Variants in BCL7C observed in about 807,000 individuals in gnomAD.
The protein encoded by BCL7C is BAF chromatin remodeling complex subunit BCL7C, also known as B-cell CLL/lymphoma 7 protein family member C.
In BCL7C, 8 loss-of-function variants were observed where a neutral mutation model predicts 26.2. That is an observed-to-expected ratio of 0.30 (90% confidence interval 0.18 to 0.55). The LOEUF (loss-of-function observed/expected upper bound fraction) is 0.55. Among genes scored for constraint, BCL7C ranks in the 20% least tolerant of loss-of-function variants. BCL7C has a pLI of 0.93. For synonymous variants in BCL7C, 90 were observed against 116.5 expected (o/e 0.77, Z 1.47); for missense variants, 262 against 298.5 (o/e 0.88, Z 0.90).
chr16:30,866,403 G>C (rs993801251), intron 5 of BCL7C, among the ~76,000 whole-genome samples: 5 of 151,588 alleles, frequency 3.3e-5, no homozygotes, highest in Admixed American at 2.0e-4. Context: ...ATGGTGAAAC[G>C]CTGTCTCTAC....
chr16:30,865,542 C>T (rs759466991), intron 5 of BCL7C, among the ~76,000 whole-genome samples: 10 of 151,982 alleles, frequency 6.6e-5, no homozygotes, highest in Non-Finnish European at 1.5e-4. Context: ...TATGCCACTG[C>T]AGTCCAGCCC....
At chr16:30,861,465 T>C (rs2054771668) in intron 5 of BCL7C, among the ~76,000 whole-genome samples, 1 of 152,180 alleles carries the variant, frequency 6.6e-6, no homozygotes, top group South Asian at 2.1e-4. Flanking sequence ...GGCCAAGGAA[T>C]GCCCACAGCC....
rs1354023604 is a variant in BCL7C, at chr16:30,834,824, C to T, written c.*124G>A. ...GTTCGGGCAGGTGTGGGGCCGCTCG[C>T]CCTCCGATGTTACCGCGGTGGGTGA... On this transcript the variant is annotated 3_prime_UTR_variant, in exon 6 of 6. Transcript: ENST00000380317. The surrounding 1 kb of genome is among the most constrained non-coding windows in gnomAD (Gnocchi z 4.3). 9.9e-7 allele frequency: 1 copy of T among 1,013,768 alleles called. No homozygotes were observed. Among genetic ancestry groups the T allele is most frequent in the Admixed American group, 3.1e-5 (1 of 32,656 alleles). The allele number at this position is 1,013,768 out of a possible 1,614,324, so 62.8% of individuals were successfully genotyped here. A position where few individuals can be genotyped will look rare whatever the true frequency, so the allele number is the denominator to read the frequency against.
Position 30,834,729 on chromosome 16 carries a change from G to A in BCL7C, c.*219C>T, listed in dbSNP as rs1315341785. 3.4e-5 allele frequency: 16 copies of A among 470,286 alleles called. No homozygotes were observed. The highest frequency in any genetic ancestry group is 5.2e-5 in the Non-Finnish European group (14 of 267,058). The allele number at this position is 470,286 out of a possible 1,614,324, so 29.1% of individuals were successfully genotyped here. ...CGGCCTCAGGCACTGGATGTGGTCC[G>A]AGTTCTGCCCTAAGCCCTTCCCATG... On this transcript the variant is annotated 3_prime_UTR_variant, in exon 6 of 6. Coordinates refer to the BCL7C transcript ENST00000380317. This position sits in a 1 kb window ranked among gnomAD's most constrained non-coding sequence, Gnocchi z 4.3.
intron 5 of BCL7C, among the ~76,000 whole-genome samples, chr16:30,880,543 CAAAAAAA>C (rs34003724): frequency 8.1e-6 from 1 of 123,234 alleles, no homozygotes; most frequent in Non-Finnish European, 1.6e-5. Context: ...ACTAAAAATA[CAAAAAAA>C]AAAAAAAAAA....
At chr16:30,855,051 A>C (rs1430493118) in intron 5 of BCL7C, among the ~76,000 whole-genome samples, 1 of 151,770 alleles carries the variant, frequency 6.6e-6, no homozygotes, top group Non-Finnish European at 1.5e-5. Flanking sequence ...CCTTTAAACC[A>C]CTCAGAGCTA....
intron 4 of BCL7C, among the ~76,000 whole-genome samples, chr16:30,890,093 T>G (rs1310465407): frequency 1.3e-5 from 2 of 151,970 alleles, no homozygotes; most frequent in Non-Finnish European, 2.9e-5. Flanking sequence ...CGGGTTTGAC[T>G]GCATGGAAGA....
intron 5 of BCL7C, among the ~76,000 whole-genome samples, chr16:30,859,292 T>C (rs2054749929): frequency 6.6e-6 from 1 of 152,184 alleles, no homozygotes. Flanking sequence ...ATCAAGTGTT[T>C]AGAGACTGTT....
chr16:30,871,918 T>A (rs2054885630), intron 5 of BCL7C, among the ~76,000 whole-genome samples: 2 of 152,220 alleles, frequency 1.3e-5, no homozygotes, highest in Middle Eastern at 3.4e-3. Flanking sequence ...CAAGTTTGGG[T>A]CAAGTTGAAT....
rs111797805 is a variant in BCL7C at position 30,858,716 on chromosome 16, A to G, written c.529-23568T>C. 3.9e-3 allele frequency among the ~76,000 whole-genome samples: 587 copies of G among 152,324 alleles called. 9 individuals carry two copies. Among genetic ancestry groups the G allele is most frequent in the African/African-American group, 0.013 (561 of 41,568 alleles). ...GAAATTCAAGAGAAGGAGCCCTGCA[A>G]TTACATGTGAAACTGAAGGGCTGAT... On this transcript the variant is annotated intron_variant, in intron 5 of 5. Coordinates refer to the BCL7C transcript ENST00000380317.
At chr16:30,866,181 G>A (rs2054825841) in intron 5 of BCL7C, among the ~76,000 whole-genome samples, 1 of 152,140 alleles carries the variant, frequency 6.6e-6, no homozygotes, top group Admixed American at 6.6e-5. Context: ...TGATGGAGGA[G>A]TTGGCAAGCA....
chr16:30,840,366 TGCCACCATGCATG>T (rs2054594633), intron 5 of BCL7C, among the ~76,000 whole-genome samples: 1 of 151,976 alleles, frequency 6.6e-6, no homozygotes, highest in African/African-American at 2.4e-5. Flanking sequence ...TACAGGCACA[TGCCACCATGCATG>T]GCTAATTTTT....
At chr16:30,860,337 G>C (rs1187886188) in intron 5 of BCL7C, among the ~76,000 whole-genome samples, 1 of 152,166 alleles carries the variant, frequency 6.6e-6, no homozygotes, top group African/African-American at 2.4e-5. Flanking sequence ...AGTCAACTGT[G>C]GGGACGCCTG....
intron 5 of BCL7C, among the ~76,000 whole-genome samples, chr16:30,878,824 C>G (rs4290486): frequency 0.49 from 72,877 of 148,356 alleles, 21,862 homozygotes; most frequent in East Asian, 0.91. Flanking sequence ...GCCTGGGTGA[C>G]AAAGCGAGAC....
In BCL7C at chr16:30,891,968, AG is replaced by A. The variant is rs990290861; in HGVS notation, c.442+617del. Among the ~76,000 whole-genome samples the A allele has an allele frequency of 9.2e-5, 11 of 120,112 alleles. No homozygotes were observed. In the East Asian group the frequency reaches 1.7e-3, roughly 19 times the overall value. The allele number at this position is 120,112 out of a possible 152,430, so 78.8% of individuals were successfully genotyped here. A position where few individuals can be genotyped will look rare whatever the true frequency, so the allele number is the denominator to read the frequency against. The stretch of plus-strand genomic sequence containing the variant: ...GACAGAGACCTTGTCTCTAAAAAAA[AG>A]GGGGGGGAGGGCCGGGTGTGGGTGT... On this transcript the variant is annotated intron_variant, in intron 4 of 5. Coordinates refer to ENST00000215115, the MANE Select transcript of BCL7C (RefSeq NM_004765.4).
Position 30,834,866 on chromosome 16 carries a change from C to T in BCL7C, c.*82G>A, listed in dbSNP as rs767145263. The T allele has an allele frequency of 4.4e-6, 6 of 1,354,530 alleles. No individual in the cohort carries two copies. The highest frequency in any genetic ancestry group is 1.5e-5 in the African/African-American group (1 of 67,706). 83.9% of individuals were successfully genotyped at this position (1,354,530 alleles called of 1,614,324 possible). A position where few individuals can be genotyped will look rare whatever the true frequency, so the allele number is the denominator to read the frequency against. ...GGTGGGTGAGCTGGGAAGCTCTTTC[C>T]GCCCTCGGGGCACAGGTAGTGGCTG... On this transcript the variant is annotated 3_prime_UTR_variant, in exon 6 of 6. Coordinates refer to the BCL7C transcript ENST00000380317. This position sits in a 1 kb window ranked among gnomAD's most constrained non-coding sequence, Gnocchi z 4.3.
At chr16:30,836,961 T>C (rs2054573156) in intron 5 of BCL7C, among the ~76,000 whole-genome samples, 1 of 151,912 alleles carries the variant, frequency 6.6e-6, no homozygotes, top group Non-Finnish European at 1.5e-5. Flanking sequence ...ACCTGGCTAA[T>C]TTTTGTATTT....
chr16:30,886,834 A>G (rs757069688), downstream of BCL7C, among the ~76,000 whole-genome samples: 2 of 152,190 alleles, frequency 1.3e-5, no homozygotes, highest in Non-Finnish European at 2.9e-5. Flanking sequence ...TGGGTTGGTC[A>G]TCCCAGGCCC....
intron 5 of BCL7C, among the ~76,000 whole-genome samples, chr16:30,848,400 A>G (rs1365819688): frequency 6.6e-6 from 1 of 152,158 alleles, no homozygotes; most frequent in African/African-American, 2.4e-5. Context: ...TGGGATATGA[A>G]GGGACCCTGA....
Sources: allele counts gnomAD v4.1 joint callset (sites outside exome capture counted in the v4.1 genomes callset), GRCh38; gene constraint gnomAD v4.1.1; non-coding constraint Gnocchi (gnomAD v3.1); transcripts MANE v1.5; gene names NCBI Gene and HGNC (gene_info 2026-07-23, HGNC 2026-07-21).